ADGRL3: variants seen among roughly 807,000 people sequenced by gnomAD.
ADGRL3 encodes calcium-independent alpha-latrotoxin receptor 3.
ADGRL3 carries 62 observed loss-of-function variants against 153.5 expected under a neutral mutation model. The ratio of observed to expected loss-of-function variants is 0.40; its 90% confidence interval spans 0.33 to 0.50. ADGRL3 has a LOEUF of 0.50. ADGRL3 is among the 20% of genes least tolerant of loss of function. ADGRL3 has a pLI of 0.47. For synonymous variants in ADGRL3, 710 were observed against 672.5 expected (o/e 1.06, Z -0.86); for missense variants, 1,641 against 1,859.4 (o/e 0.88, Z 2.16).
In ADGRL3 at chr4:61,884,622, T is replaced by A. The variant is rs1030744711; in HGVS notation, c.1481-8034T>A. On this transcript the variant is annotated intron_variant, in intron 9 of 26. Transcript: ENST00000683033. ...GAGCAGGCTGCTTTCTTTTATTATT[T>A]ATTTATTTATTTACTTTTTTGAGAT... Among the ~76,000 whole-genome samples the A allele has an allele frequency of 7.9e-5, 12 of 151,982 alleles. 1 individual carries two copies. The highest frequency in any genetic ancestry group is 4.4e-5 in the Non-Finnish European group (3 of 68,008).
At chr4:61,781,653 C>A (rs1002028265) in intron 8 of ADGRL3, among the ~76,000 whole-genome samples, 3 of 151,958 alleles carry the variant, frequency 2.0e-5, no homozygotes, top group African/African-American at 7.2e-5. Flanking sequence ...CATACTCTAC[C>A]CTATTTCTAT....
At chr4:61,341,849 G>A (rs1038257196) in intron 1 of ADGRL3, among the ~76,000 whole-genome samples, 7 of 152,140 alleles carry the variant, frequency 4.6e-5, no homozygotes, top group African/African-American at 1.7e-4. Context: ...CTCGTGTTTG[G>A]TGGAGAATAC....
At chr4:62,056,264 T>C (rs1736927460) in intron 25 of ADGRL3, among the ~76,000 whole-genome samples, 1 of 151,778 alleles carries the variant, frequency 6.6e-6, no homozygotes, top group Admixed American at 6.6e-5. Context: ...GTCAATTAGG[T>C]GATATAAATA....
At chr4:61,598,277 G>A (rs2098997413) in intron 5 of ADGRL3, among the ~76,000 whole-genome samples, 8 of 152,048 alleles carry the variant, frequency 5.3e-5, no homozygotes. Context: ...ATACTGGAGG[G>A]CAACATGAAC....
intron 1 of ADGRL3, among the ~76,000 whole-genome samples, chr4:61,221,412 T>A (rs1745436446): frequency 6.6e-6 from 1 of 152,180 alleles, no homozygotes; most frequent in Admixed American, 6.5e-5. Flanking sequence ...TCAATATTTG[T>A]GTCCTCTTCA....
intron 8 of ADGRL3, among the ~76,000 whole-genome samples, chr4:61,762,325 TGAC>T (rs2096922784): frequency 6.6e-6 from 1 of 152,206 alleles, no homozygotes; most frequent in Admixed American, 6.5e-5. Context: ...ACTTTTTATT[TGAC>T]AATGCTTCTT....
intron 17 of ADGRL3, among the ~76,000 whole-genome samples, chr4:61,968,376 T>C (rs1305552890): frequency 2.6e-5 from 4 of 152,164 alleles, no homozygotes; most frequent in Non-Finnish European, 2.9e-5. Context: ...TACATCTTCT[T>C]TAGAGAACAT....
At chr4:61,952,026 A>G (rs1444299422) in intron 17 of ADGRL3, among the ~76,000 whole-genome samples, 2 of 152,176 alleles carry the variant, frequency 1.3e-5, no homozygotes, top group African/African-American at 4.8e-5. Context: ...TAAATGGCTT[A>G]TTACCTTGGT....
intron 19 of ADGRL3, among the ~76,000 whole-genome samples, chr4:61,992,757 T>C (rs2099107901): frequency 6.6e-6 from 1 of 152,212 alleles, no homozygotes; most frequent in Non-Finnish European, 1.5e-5. Context: ...TTTGAAATGC[T>C]CCTTTACATT....
At chr4:61,637,850 A>G (rs2150119937) in intron 5 of ADGRL3, among the ~76,000 whole-genome samples, 1 of 152,330 alleles carries the variant, frequency 6.6e-6, no homozygotes, top group South Asian at 2.1e-4. Context: ...AAAAAGAAGG[A>G]ACAAAGAAAC....
intron 9 of ADGRL3, among the ~76,000 whole-genome samples, chr4:61,821,709 T>C (rs1308802800): frequency 6.6e-6 from 1 of 152,272 alleles, no homozygotes; most frequent in Admixed American, 6.5e-5. Context: ...TTACCTTTTT[T>C]CCCTCAAATA....
At chr4:61,759,985 G>A (rs980867055) in intron 8 of ADGRL3, among the ~76,000 whole-genome samples, 6 of 152,124 alleles carry the variant, frequency 3.9e-5, no homozygotes, top group African/African-American at 9.7e-5. Flanking sequence ...GCAGAACATC[G>A]GATACTGGTG....
chr4:61,740,893 A>G (rs2096573454), intron 8 of ADGRL3, among the ~76,000 whole-genome samples: 1 of 152,208 alleles, frequency 6.6e-6, no homozygotes, highest in Non-Finnish European at 1.5e-5. Flanking sequence ...ATGTACGCTA[A>G]AGATGGTAGA....
chr4:61,669,253 A>G (rs963841140), intron 5 of ADGRL3, among the ~76,000 whole-genome samples: 2 of 152,066 alleles, frequency 1.3e-5, no homozygotes, highest in African/African-American at 4.8e-5. Flanking sequence ...TTTATGACCT[A>G]CATATTTGTT....
chr4:61,806,721 T>G (rs937890294), intron 8 of ADGRL3, among the ~76,000 whole-genome samples: 2 of 152,100 alleles, frequency 1.3e-5, no homozygotes, highest in Non-Finnish European at 2.9e-5. Flanking sequence ...AAATACAGAT[T>G]CAAGAAATTC....
chr4:61,653,130 CCTCT>C (rs752724765), intron 5 of ADGRL3, among the ~76,000 whole-genome samples: 24 of 139,312 alleles, frequency 1.7e-4, no homozygotes, highest in Middle Eastern at 3.7e-3. Flanking sequence ...AAAGAGAAAG[CCTCT>C]CTCTCTCTCT....
chr4:61,749,790 C>T (rs941935344), intron 8 of ADGRL3, among the ~76,000 whole-genome samples: 1 of 151,824 alleles, frequency 6.6e-6, no homozygotes, highest in Non-Finnish European at 1.5e-5. Flanking sequence ...AGTACACCAG[C>T]ATGGCACATG....
intron 13 of ADGRL3, among the ~76,000 whole-genome samples, chr4:61,927,454 CTATATTAAGGTCACT>C (rs1479268934): frequency 6.6e-6 from 1 of 151,738 alleles, no homozygotes; most frequent in African/African-American, 2.4e-5. Flanking sequence ...GTCCCTATTA[CTATATTAAGGTCACT>C]TGTGTTATAT....
At chr4:61,604,762 T>C (rs1249634198) in intron 5 of ADGRL3, among the ~76,000 whole-genome samples, 2 of 152,126 alleles carry the variant, frequency 1.3e-5, no homozygotes, top group African/African-American at 4.8e-5. Context: ...AACTTGTTTT[T>C]AGCAGTAATC....
Sources: gnomAD v4.1 joint callset for allele counts (sites outside exome capture counted in the v4.1 genomes callset) on GRCh38, gnomAD v4.1.1 for gene constraint, MANE v1.5 for transcripts, NCBI Gene and HGNC (gene_info 2026-07-23, HGNC 2026-07-21) for gene names.